Variants in PABPC1L observed in about 807,000 individuals in gnomAD.
PABPC1L encodes polyadenylate-binding protein 1-like.
Under a neutral mutation model 66.6 loss-of-function variants are expected in PABPC1L, and 31 were observed. The observed-to-expected ratio is 0.47, with a 90% confidence interval of 0.35 to 0.63. The LOEUF is 0.63. Ranked by LOEUF, PABPC1L falls within the 20% of genes least tolerant of loss-of-function variation. The pLI, the probability that PABPC1L is intolerant of heterozygous loss-of-function variation, is 0.00. For synonymous variants in PABPC1L, 348 were observed against 335.1 expected (o/e 1.04, Z -0.42); for missense variants, 722 against 848.8 (o/e 0.85, Z 1.86).
chr20:44,915,160 A>G (rs924365030), intron 2 of PABPC1L, among the ~76,000 whole-genome samples: 7 of 152,238 alleles, frequency 4.6e-5, no homozygotes, highest in Non-Finnish European at 8.8e-5. Context: ...GGGGAGCCTC[A>G]AATGCCAAGT....
chr20:44,933,983 C>A (rs1332523806), intron 10 of PABPC1L, among the ~76,000 whole-genome samples: 1 of 151,862 alleles, frequency 6.6e-6, no homozygotes, highest in African/African-American at 2.4e-5. Context: ...AACTCCTGAC[C>A]TTAGGTGATC....
intron 3 of PABPC1L, among the ~76,000 whole-genome samples, chr20:44,918,071 AC>A (rs1291102379): frequency 1.3e-5 from 2 of 152,150 alleles, no homozygotes; most frequent in African/African-American, 4.8e-5. Context: ...CACACCTGTA[AC>A]CCCAGCACTT....
At chr20:44,930,997 T>TTCCTTCCTTCCTTCC (rs2066848874) in intron 8 of PABPC1L, among the ~76,000 whole-genome samples, 1 of 93,880 alleles carries the variant, frequency 1.1e-5, no homozygotes, top group Non-Finnish European at 2.1e-5. Context: ...GACCTACATT[T>TTCCTTCCTTCCTTCC]TTCCTTCCTC....
rs933792396 is a variant in PABPC1L at position 44,938,714 on chromosome 20, T to C, written c.1832T>C (p.Met611Thr). Reference sequence around the variant, plus strand: ...GCCGTGCTGCAGGCACACCAGGCTATGGAGCAGCCGAAGGCGTACATGCAC... The same window carrying C: ...GCCGTGCTGCAGGCACACCAGGCTACGGAGCAGCCGAAGGCGTACATGCAC... ...AVAVLQAHQA[M>T]EQPKAYMH The change falls in exon 14 of 15, where the codon ATG (methionine) becomes ACG (threonine). Residue 611 changes from methionine to threonine, a missense_variant. Met to Thr is a moderately conservative substitution (Grantham distance 81). Around this residue, in one of 3 missense-constraint regions of PABPC1L, gnomAD observed 301 missense variants for 337.2 expected, o/e 0.89. Coordinates refer to ENST00000217073, the MANE Select transcript of PABPC1L (RefSeq NM_001372179.1). 1.2e-6 allele frequency: 2 copies of C among 1,612,022 alleles called. No homozygotes were observed. Among genetic ancestry groups the C allele is most frequent in the African/African-American group, 2.7e-5 (2 of 74,912 alleles).
chr20:44,919,311 G>A, intron 5 of PABPC1L, 34 bp downstream of exon 5: 1 of 1,607,102 alleles, frequency 6.2e-7, no homozygotes, highest in East Asian at 2.2e-5. Flanking sequence ...TTCTGCAGCA[G>A]GGGGACCGAG....
Position 44,918,945 on chromosome 20 carries a change from G to A in PABPC1L, c.543G>A (p.Ala181=), listed in dbSNP as rs761650723. Residue 181 remains alanine, a synonymous_variant, in exon 4 of 15, where the codon GCG becomes GCA. Coordinates refer to ENST00000217073, the MANE Select transcript of PABPC1L (RefSeq NM_001372179.1). ...TCAAGTCTCGACGGGAGCGGGAGGC[G>A]GAGCTGGGGGCGCGGGCCCTGGAGT... ...GHFKSRRERE[A]ELGARALEFT... 13 of 1,610,662 alleles carry A rather than the reference G, an allele frequency of 8.1e-6. No individual in the cohort carries two copies. Among genetic ancestry groups the A allele is most frequent in the African/African-American group, 4.0e-5 (3 of 74,854 alleles).
chr20:44,915,757 C>T (rs1326534580), intron 2 of PABPC1L, among the ~76,000 whole-genome samples: 1 of 150,008 alleles, frequency 6.7e-6, no homozygotes, highest in Non-Finnish European at 1.5e-5. Flanking sequence ...CAAGATTGTG[C>T]CATTGCACTC....
intron 8 of PABPC1L, among the ~76,000 whole-genome samples, chr20:44,930,978 G>A (rs374834041): frequency 2.8e-5 from 4 of 144,490 alleles, no homozygotes; most frequent in African/African-American, 5.1e-5. Context: ...GAAATGCTGC[G>A]TTAAGCAAGA....
At chr20:44,931,027 CTT>C (rs1568649966) in intron 8 of PABPC1L, among the ~76,000 whole-genome samples, 1 of 33,936 alleles carries the variant, frequency 2.9e-5, no homozygotes, top group African/African-American at 1.3e-4. Flanking sequence ...CCTTCCCTCC[CTT>C]CCCTCCCTTC....
At chr20:44,916,609 T>G (rs2066739209) in intron 2 of PABPC1L, 147 bp from the exon 3 acceptor site, 11 of 735,374 alleles carry the variant, frequency 1.5e-5, no homozygotes, top group East Asian at 1.3e-4. Context: ...TGACACTCTT[T>G]GAGCTTCCAT....
chr20:44,932,639 G>A (rs2066870009), intron 9 of PABPC1L: 4 of 518,984 alleles, frequency 7.7e-6, no homozygotes, highest in Non-Finnish European at 1.4e-5. Flanking sequence ...TGGAAGACAC[G>A]CAGCTAGCCA....
chr20:44,915,222 A>G (rs1200853736), intron 2 of PABPC1L, among the ~76,000 whole-genome samples: 1 of 152,200 alleles, frequency 6.6e-6, no homozygotes, highest in East Asian at 1.9e-4. Flanking sequence ...ATGTGGTCAG[A>G]ATTACATTTT....
chr20:44,931,797 T>TA (rs1191922080), intron 8 of PABPC1L: 1 of 152,036 alleles, frequency 6.6e-6, no homozygotes, highest in Non-Finnish European at 1.5e-5. Flanking sequence ...TGATCGGCCC[T>TA]AAATTTCTTT....
At chr20:44,929,239 A>G (rs2066833358) in intron 7 of PABPC1L, among the ~76,000 whole-genome samples, 1 of 151,968 alleles carries the variant, frequency 6.6e-6, no homozygotes, top group African/African-American at 2.4e-5. Flanking sequence ...TCCAGCCTGG[A>G]TGACAGAGTG....
chr20:44,924,321 C>A (rs1053822405), intron 7 of PABPC1L, 65 bp downstream of exon 7: 6 of 1,274,806 alleles, frequency 4.7e-6, no homozygotes, highest in Admixed American at 1.7e-5. Flanking sequence ...CATCCCCCCA[C>A]AACCCCACCC....
chr20:44,924,380 C>A (rs1327662099), intron 7 of PABPC1L, 124 bp downstream of exon 7: 3 of 697,384 alleles, frequency 4.3e-6, no homozygotes, highest in African/African-American at 1.8e-5. Context: ...CCGGCTACCC[C>A]TTCTGGGGCT....
chr20:44,912,710 A>G lies in PABPC1L; in HGVS notation c.244A>G (p.Ile82Val), dbSNP rs2145552913. ...MNFEMLKGQPIRIMWSQRDPG... is the reference protein window; with the variant it reads ...MNFEMLKGQPVRIMWSQRDPG... Reference sequence around the variant, plus strand: ...CTTTGAGATGCTCAAAGGCCAGCCTATTCGCATCATGTGGTCCCAGCGAGA... The same window carrying G: ...CTTTGAGATGCTCAAAGGCCAGCCTGTTCGCATCATGTGGTCCCAGCGAGA... Residue 82 changes from isoleucine (I) to valine (V), a missense_variant, in exon 2 of 15, where the codon ATT (isoleucine) becomes GTT (valine). By Grantham distance (29) the Ile-to-Val change is conservative (BLOSUM62 3). This residue lies in a region of PABPC1L where 284 missense variants were observed against 294.8 expected (regional missense o/e 0.96). Transcript: ENST00000217073. 2 of 1,614,108 alleles carry G rather than the reference A, an allele frequency of 1.2e-6. No homozygotes were observed. Among genetic ancestry groups the G allele is most frequent in the Non-Finnish European group, 1.7e-6 (2 of 1,179,980 alleles).
chr20:44,926,541 T>C (rs2066810931), intron 7 of PABPC1L, among the ~76,000 whole-genome samples: 1 of 150,542 alleles, frequency 6.6e-6, no homozygotes, highest in South Asian at 2.1e-4. Context: ...TATATATATA[T>C]TATACAATTA....
At chr20:44,918,765 C>A in intron 3 of PABPC1L, 141 bp from the exon 4 acceptor site, 2 of 974,952 alleles carry the variant, frequency 2.1e-6, no homozygotes, top group Non-Finnish European at 3.0e-6. Flanking sequence ...TGGGGATGTT[C>A]TAAGGAGTAT....
Sources: gnomAD v4.1 joint callset for allele counts (sites outside exome capture counted in the v4.1 genomes callset) on GRCh38, gnomAD v4.1.1 for gene constraint, gnomAD v4.1.1 regional missense constraint, MANE v1.5 for transcripts, NCBI Gene and HGNC (gene_info 2026-07-23, HGNC 2026-07-21) for gene names.